Variants in FAM169A observed in about 807,000 individuals in gnomAD.
FAM169A encodes soluble lamin-associated protein of 75 kDa.
In FAM169A, 24 loss-of-function variants were observed where a neutral mutation model predicts 75.7. The observed-to-expected ratio is 0.32, with a 90% confidence interval of 0.23 to 0.45. The LOEUF is 0.45. Ranked by LOEUF, FAM169A falls within the 20% of genes least tolerant of loss-of-function variation. The pLI is 1.00. For synonymous variants in FAM169A, 271 were observed against 271.0 expected, an observed-to-expected ratio of 1.00 and a Z score of 0.00; for missense variants, 673 against 784.0, an observed-to-expected ratio of 0.86 and a Z score of 1.69.
intron 6 of FAM169A, among the ~76,000 whole-genome samples, chr5:74,806,494 A>AG (rs1746890164): frequency 2.9e-5 from 2 of 68,952 alleles, no homozygotes; most frequent in Admixed American, 3.1e-4. Flanking sequence ...GATTCCTTAC[A>AG]AAGACACAAA....
chr5:74,792,835 G>A (rs1393499887), intron 11 of FAM169A, among the ~76,000 whole-genome samples: 1 of 152,170 alleles, frequency 6.6e-6, no homozygotes, highest in Non-Finnish European at 1.5e-5. Flanking sequence ...ATGGAAAACA[G>A]TGTGGAGATT....
At chr5:74,819,924 T>G (rs559566802) in intron 5 of FAM169A, among the ~76,000 whole-genome samples, 1 of 152,048 alleles carries the variant, frequency 6.6e-6, no homozygotes, top group South Asian at 2.1e-4. Flanking sequence ...GGGATGAAAA[T>G]TATCTAAAAT....
In FAM169A at chr5:74,834,420, A is replaced by G; in HGVS notation, c.490+6T>C. Reference sequence around the variant, plus strand: ...TACACAGTTTAAATAACTTTTAAAGACTCACCTGTAGGCTTAACTGAATAA... The same window carrying G: ...TACACAGTTTAAATAACTTTTAAAGGCTCACCTGTAGGCTTAACTGAATAA... On this transcript the variant is annotated splice_donor_region_variant and intron_variant, in intron 5 of 12. Transcript: ENST00000687041. 1 of 1,439,502 alleles carries G rather than the reference A, an allele frequency of 6.9e-7. No homozygotes were observed. Among genetic ancestry groups the G allele is most frequent in the Non-Finnish European group, 9.2e-7 (1 of 1,088,320 alleles). 89.2% of individuals were successfully genotyped at this position (1,439,502 alleles called of 1,614,324 possible).
chr5:74,810,296 T>G (rs563889922), intron 6 of FAM169A, among the ~76,000 whole-genome samples: 2 of 152,186 alleles, frequency 1.3e-5, no homozygotes, highest in African/African-American at 4.8e-5. Flanking sequence ...AGTGCTTGCC[T>G]GGAGTGAGAG....
Position 74,801,598 on chromosome 5 carries a change from G to A in FAM169A, c.944C>T (p.Thr315Ile). Reference protein sequence around the residue: ...IDSLKDAFASTSEGHDKTSVS... With the variant: ...IDSLKDAFASISEGHDKTSVS... ...TCAGTTGAATTTCTTACCTTCGGAA[G>A]TGCTTGCAAAGGCATCTTTTAGAGA... The change falls in exon 9 of 13, where the codon ACT becomes ATT. Residue 315 changes from threonine to isoleucine, a missense_variant. This residue lies in a region of FAM169A where 510 missense variants were observed against 550.9 expected (regional missense o/e 0.93). Transcript: ENST00000687041. The A allele has an allele frequency of 6.2e-7, 1 of 1,609,474 alleles. No individual in the cohort carries two copies. The highest frequency in any genetic ancestry group is 2.2e-5 in the East Asian group (1 of 44,834).
At chr5:74,853,931 A>G (rs1455073302) in intron 1 of FAM169A, among the ~76,000 whole-genome samples, 1 of 151,838 alleles carries the variant, frequency 6.6e-6, no homozygotes, top group Non-Finnish European at 1.5e-5. Context: ...CAAGTGTTTT[A>G]AAGCTGAAGT....
chr5:74,841,655 G>C lies in FAM169A; in HGVS notation c.22C>G (p.Leu8Val). The change falls in exon 2 of 13, where the codon CTG (leucine) becomes GTG (valine). Residue 8 changes from leucine to valine, a missense_variant. Transcript: ENST00000687041. ...AATTCCTCATGGCTGCAATTTTCCA[G>C]CATATCCACAGGGAATGCCATCCTC... The part of the protein sequence containing the change: MAFPVDM[L>V]ENCSHEELEN... 2 of 1,612,766 alleles carry C rather than the reference G, an allele frequency of 1.2e-6. No homozygotes were observed. Among genetic ancestry groups the C allele is most frequent in the Non-Finnish European group, 1.7e-6 (2 of 1,179,264 alleles).
rs1385234785 is a variant in FAM169A, at chr5:74,779,166, A to G, written c.*2294T>C. 6.6e-6 allele frequency: 1 copy of G among 152,292 alleles called. No homozygotes were observed. The highest frequency in any genetic ancestry group is 1.9e-4 in the East Asian group (1 of 5,194). The allele number at this position is 152,292 out of a possible 1,614,324, so 9.4% of individuals were successfully genotyped here. A position where few individuals can be genotyped will look rare whatever the true frequency, so the allele number is the denominator to read the frequency against. ...CTATTTAACCCAAACAAGTTTAACA[A>G]GAATAAGTTTATACTGTTAGCCCCC... On this transcript the variant is annotated 3_prime_UTR_variant, in exon 13 of 13. Transcript: ENST00000687041.
At chr5:74,846,580 T>G (rs189413725) in intron 1 of FAM169A, among the ~76,000 whole-genome samples, 1 of 152,252 alleles carries the variant, frequency 6.6e-6, no homozygotes, top group African/African-American at 2.4e-5. Flanking sequence ...AAGGAGAAAA[T>G]TCTATTAAAT....
chr5:74,815,576 C>T (rs115379323), intron 5 of FAM169A, among the ~76,000 whole-genome samples: 7,138 of 152,142 alleles, frequency 0.047, 325 homozygotes, highest in African/African-American at 0.12. Context: ...TTGTCAGAGG[C>T]GTTTGAACTA....
intron 1 of FAM169A, among the ~76,000 whole-genome samples, chr5:74,864,521 C>A (rs542181694): frequency 2.6e-5 from 4 of 152,372 alleles, no homozygotes; most frequent in Non-Finnish European, 5.9e-5. Flanking sequence ...AGCCACCGCA[C>A]CCGGCCTATA....
At chr5:74,800,075 T>C (rs1321432376) in intron 10 of FAM169A, 1 of 688,934 alleles carries the variant, frequency 1.5e-6, no homozygotes, top group South Asian at 1.4e-5. Flanking sequence ...CAAGGATAAT[T>C]TGAAGCTGAG....
At chr5:74,847,988 GT>G (rs926154708) in intron 1 of FAM169A, among the ~76,000 whole-genome samples, 9 of 152,090 alleles carry the variant, frequency 5.9e-5, no homozygotes, top group African/African-American at 1.9e-4. Context: ...TCTGAACACG[GT>G]TTAAAAACAA....
intron 8 of FAM169A, among the ~76,000 whole-genome samples, chr5:74,803,476 G>A (rs576094958): frequency 6.6e-6 from 1 of 152,180 alleles, no homozygotes; most frequent in South Asian, 2.1e-4. Context: ...CAGAAAATAA[G>A]CACAAATAAT....
intron 6 of FAM169A, among the ~76,000 whole-genome samples, chr5:74,812,900 T>C (rs1466100135): frequency 6.6e-6 from 1 of 152,198 alleles, no homozygotes; most frequent in Non-Finnish European, 1.5e-5. Flanking sequence ...GTAACCCTCA[T>C]ATAATATTGC....
intron 1 of FAM169A, among the ~76,000 whole-genome samples, chr5:74,843,113 G>A (rs975437505): frequency 6.6e-6 from 1 of 152,094 alleles, no homozygotes. Context: ...TATAAATAGA[G>A]ATGAAGACCT....
chr5:74,829,095 T>C (rs758070777), intron 5 of FAM169A, among the ~76,000 whole-genome samples: 4 of 152,342 alleles, frequency 2.6e-5, no homozygotes, highest in Admixed American at 6.5e-5. Flanking sequence ...TAACTTAGTA[T>C]AGCAATTATT....
At chr5:74,811,013 C>T (rs1219345595) in intron 6 of FAM169A, among the ~76,000 whole-genome samples, 1 of 141,386 alleles carries the variant, frequency 7.1e-6, no homozygotes, top group Non-Finnish European at 1.5e-5. Context: ...GACAGAGTCT[C>T]GCTCTGTCAC....
chr5:74,804,021 G>A (rs1270607071), intron 8 of FAM169A, among the ~76,000 whole-genome samples: 1 of 152,070 alleles, frequency 6.6e-6, no homozygotes, highest in Non-Finnish European at 1.5e-5. Flanking sequence ...AGAATAGTGT[G>A]CTGCTATGTA....
Sources: allele counts gnomAD v4.1 joint callset (sites outside exome capture counted in the v4.1 genomes callset), GRCh38; gene constraint gnomAD v4.1.1; regional missense constraint gnomAD v4.1.1; transcripts MANE v1.5; gene names NCBI Gene and HGNC (gene_info 2026-07-23, HGNC 2026-07-21).